The following EPHA6 variants were observed in gnomAD, a reference collection of about 807,000 sequenced individuals.
EPHA6 encodes the protein EPH receptor A6.
In EPHA6, 50 loss-of-function variants were observed where a neutral mutation model predicts 112.0. The ratio of observed to expected loss-of-function variants is 0.45; its 90% CI spans 0.36 to 0.56. The LOEUF (loss-of-function observed/expected upper bound fraction) is 0.56. EPHA6 is among the 20% of genes least tolerant of loss of function. The pLI is 0.00. For missense variants in EPHA6, 1,280 were observed against 1,417.4 expected (o/e 0.90, Z 1.56); for synonymous variants, 529 against 490.7 (o/e 1.08, Z -1.03).
At chr3:96,865,694 C>CAAAAAAAAAAAAAAA (rs57565102) in intron 1 of EPHA6, among the ~76,000 whole-genome samples, 2 of 82,000 alleles carry the variant, frequency 2.4e-5, no homozygotes. Context: ...AAAAAACAAA[C>CAAAAAAAAAAAAAAA]AAAAAAAAAA....
intron 3 of EPHA6, among the ~76,000 whole-genome samples, chr3:97,122,356 G>A (rs781525107): frequency 2.0e-5 from 3 of 151,710 alleles, no homozygotes; most frequent in Non-Finnish European, 4.4e-5. Flanking sequence ...AAATTCCTAC[G>A]GTTTTCTATT....
chr3:97,405,095 G>A, intron 5 of EPHA6, 55 bp from the exon 6 acceptor site: 1 of 1,534,638 alleles, frequency 6.5e-7, no homozygotes, highest in Non-Finnish European at 8.8e-7. Flanking sequence ...TTAAAGAAAG[G>A]ATAATGGAAA....
intron 1 of EPHA6, among the ~76,000 whole-genome samples, chr3:96,840,593 A>T (rs1452152931): frequency 2.0e-5 from 3 of 152,066 alleles, no homozygotes; most frequent in Non-Finnish European, 2.9e-5. Flanking sequence ...TCTGACCACT[A>T]CCTATGTATA....
chr3:97,049,603 A>G (rs1180680154), intron 3 of EPHA6, among the ~76,000 whole-genome samples: 5 of 152,162 alleles, frequency 3.3e-5, no homozygotes, highest in Non-Finnish European at 7.4e-5. Context: ...GTCTTAGTGA[A>G]TTTTGGGTCA....
At chr3:97,481,100 G>C (rs535505754) in intron 9 of EPHA6, 6 of 533,918 alleles carry the variant, frequency 1.1e-5, no homozygotes, top group African/African-American at 1.9e-5. Context: ...CTGCAATCTC[G>C]ACACTTTGGG....
At chr3:97,678,741 T>G (rs2031613565) in intron 14 of EPHA6, among the ~76,000 whole-genome samples, 1 of 152,330 alleles carries the variant, frequency 6.6e-6, no homozygotes, top group South Asian at 2.1e-4. Context: ...TATTGGCTAT[T>G]TGATATACAA....
At chr3:97,552,666 A>T (rs1003774712) in intron 11 of EPHA6, among the ~76,000 whole-genome samples, 1 of 152,166 alleles carries the variant, frequency 6.6e-6, no homozygotes, top group Non-Finnish European at 1.5e-5. Flanking sequence ...AAACAAACCT[A>T]CTTCAAATGG....
At chr3:97,700,149 C>G (rs964221111) in intron 14 of EPHA6, among the ~76,000 whole-genome samples, 13 of 152,152 alleles carry the variant, frequency 8.5e-5, no homozygotes, top group African/African-American at 3.1e-4. Context: ...AAGAACTTCT[C>G]CAAATGAGCT....
intron 3 of EPHA6, among the ~76,000 whole-genome samples, chr3:97,157,020 T>C (rs896153114): frequency 3.3e-5 from 5 of 152,148 alleles, no homozygotes; most frequent in East Asian, 1.9e-4. Flanking sequence ...CAGTTTCATA[T>C]TGAAGAAGAG....
intron 2 of EPHA6, among the ~76,000 whole-genome samples, chr3:96,942,649 G>A (rs2041034555): frequency 6.6e-6 from 1 of 152,198 alleles, no homozygotes; most frequent in South Asian, 2.1e-4. Context: ...GCACTCCCTA[G>A]TGAGATGAAC....
intron 1 of EPHA6, among the ~76,000 whole-genome samples, chr3:96,854,584 C>G (rs2035586386): frequency 6.6e-6 from 1 of 151,876 alleles, no homozygotes. Context: ...TACATAGAAC[C>G]TAGTGGATTG....
intron 2 of EPHA6, among the ~76,000 whole-genome samples, chr3:96,982,446 A>C (rs2042833863): frequency 1.3e-5 from 2 of 152,260 alleles, no homozygotes; most frequent in Admixed American, 1.3e-4. Context: ...CTGTTCTTTT[A>C]CATTTGCTGA....
intron 14 of EPHA6, among the ~76,000 whole-genome samples, chr3:97,684,782 T>A (rs538857678): frequency 6.6e-6 from 1 of 152,288 alleles, no homozygotes; most frequent in African/African-American, 2.4e-5. Flanking sequence ...GAAACCAGTC[T>A]GTACAAAATT....
intron 6 of EPHA6, among the ~76,000 whole-genome samples, chr3:97,428,066 G>GA (rs33967624): frequency 0.12 from 18,641 of 151,802 alleles, 3,650 homozygotes; most frequent in African/African-American, 0.41. Context: ...AAGTTGGACA[G>GA]AAAAAAATAT....
intron 6 of EPHA6, among the ~76,000 whole-genome samples, chr3:97,442,221 A>C (rs1396912482): frequency 1.3e-5 from 2 of 152,158 alleles, no homozygotes; most frequent in African/African-American, 4.8e-5. Context: ...TATTTTGTAC[A>C]TCTTGAACTG....
intron 3 of EPHA6, among the ~76,000 whole-genome samples, chr3:97,197,881 C>T (rs965740301): frequency 6.6e-6 from 1 of 152,086 alleles, no homozygotes; most frequent in Admixed American, 6.6e-5. Flanking sequence ...TTTCTGGCTA[C>T]AGTAGGTCTA....
intron 14 of EPHA6, among the ~76,000 whole-genome samples, chr3:97,677,773 T>C (rs531091951): frequency 6.7e-6 from 1 of 149,686 alleles, no homozygotes; most frequent in African/African-American, 2.5e-5. Flanking sequence ...GTAGGCTTCT[T>C]GAAATTGAGG....
At chr3:97,505,688 C>T (rs116268547) in intron 10 of EPHA6, among the ~76,000 whole-genome samples, 2,313 of 152,172 alleles carry the variant, frequency 0.015, 39 homozygotes, top group Non-Finnish European at 0.022. Context: ...ATTTATAGTC[C>T]GTTGGGCATA....
rs776744525 is a variant in EPHA6, at chr3:97,736,033, C to T, written c.3043C>T (p.Pro1015Ser). Residue 1015 changes from proline to serine, a missense_variant, in exon 16 of 18, where the codon CCA (proline) becomes TCA (serine). By Grantham distance (74) the Pro-to-Ser change is moderately conservative (BLOSUM62 -1). Coordinates refer to ENST00000389672, the MANE Select transcript of EPHA6 (RefSeq NM_001080448.3). ...CTGGCAGAAGGAGAGAAATCACAGA[C>T]CAAAATTTACTGACATTGTCAGCTT... is the stretch of plus-strand genomic sequence containing the variant. ...HCWQKERNHR[P>S]KFTDIVSFLD... 1 of 1,612,702 alleles carries T rather than the reference C, an allele frequency of 6.2e-7. No individual in the cohort carries two copies. Among genetic ancestry groups the T allele is most frequent in the South Asian group, 1.1e-5 (1 of 91,040 alleles).
Sources: gnomAD v4.1 joint callset for allele counts (sites outside exome capture counted in the v4.1 genomes callset) on GRCh38, gnomAD v4.1.1 for gene constraint, MANE v1.5 for transcripts, NCBI Gene and HGNC (gene_info 2026-07-23, HGNC 2026-07-21) for gene names.